Variants in TJP2 observed in about 807,000 individuals in gnomAD.
TJP2 encodes the protein Friedreich ataxia region gene X104 (tight junction protein ZO-2).
A neutral mutation model predicts 133.1 loss-of-function variants in TJP2; 91 were observed. That is an observed-to-expected ratio of 0.68 (90% CI 0.58 to 0.81). The LOEUF is 0.81. Among genes scored for constraint, TJP2 ranks in the 40% least tolerant of loss-of-function variants. The pLI is 0.00. For missense variants in TJP2, 1,541 were observed against 1,565.6 expected (o/e 0.98, Z 0.26); for synonymous variants, 592 against 583.4 (o/e 1.01, Z -0.21).
Position 69,237,465 on chromosome 9 carries a change from A to G in TJP2, c.2179+329A>G, listed in dbSNP as rs184755921. Among the ~76,000 whole-genome samples the G allele has an allele frequency of 9.2e-5, 14 of 152,332 alleles. No individual in the cohort carries two copies. The East Asian group carries it at 2.5e-3, about 27-fold the overall frequency. On this transcript the variant is annotated intron_variant, in intron 14 of 22. Transcript: ENST00000377245. ...AGGATCACTTGAGCTCAGAAGTTCAAGACTAGCCTGGGCAATATAGTAAGA... is the reference window on the plus strand; with the variant it reads ...AGGATCACTTGAGCTCAGAAGTTCAGGACTAGCCTGGGCAATATAGTAAGA...
At chr9:69,240,532 A>T (rs562768174) in intron 17 of TJP2, among the ~76,000 whole-genome samples, 1 of 152,214 alleles carries the variant, frequency 6.6e-6, no homozygotes, top group African/African-American at 2.4e-5. Flanking sequence ...ACTTGGTTTC[A>T]TTATTTAAAA....
intron 1 of TJP2, among the ~76,000 whole-genome samples, chr9:69,140,838 A>G (rs901860183): frequency 6.6e-6 from 1 of 152,126 alleles, no homozygotes; most frequent in African/African-American, 2.4e-5. Context: ...AAGGAGTTCA[A>G]AGTTTTTTAT....
At chr9:69,138,974 G>C (rs1197027538) in intron 1 of TJP2, among the ~76,000 whole-genome samples, 1 of 151,658 alleles carries the variant, frequency 6.6e-6, no homozygotes, top group Admixed American at 6.6e-5. Context: ...AGCATTTTGG[G>C]AGGCCAAGGC....
intron 6 of TJP2, 49 bp downstream of exon 6, chr9:69,225,456 G>A (rs192279603): frequency 8.1e-5 from 101 of 1,241,036 alleles, no homozygotes; most frequent in Middle Eastern, 1.9e-4. Flanking sequence ...GCCGTTCATC[G>A]CCTGCATGTC....
At chr9:69,188,266 G>A (rs1478187090) in intron 1 of TJP2, among the ~76,000 whole-genome samples, 1 of 152,018 alleles carries the variant, frequency 6.6e-6, no homozygotes, top group Admixed American at 6.6e-5. Context: ...CTGATGTGGT[G>A]GTAGGCCCTT....
At chr9:69,196,341 T>C (rs989217263) in intron 1 of TJP2, among the ~76,000 whole-genome samples, 3 of 152,230 alleles carry the variant, frequency 2.0e-5, no homozygotes, top group Non-Finnish European at 2.9e-5. Context: ...TTCTGTAAAA[T>C]GAGTCTATTA....
intron 6 of TJP2, 65 bp downstream of exon 6, chr9:69,225,472 T>C: frequency 1.9e-6 from 2 of 1,058,672 alleles, no homozygotes; most frequent in Admixed American, 1.8e-5. Context: ...ATGTCCACAT[T>C]CAGCACCCAC....
chr9:69,247,764 C>T (rs1480967376), intron 18 of TJP2, among the ~76,000 whole-genome samples: 6 of 152,060 alleles, frequency 3.9e-5, no homozygotes, highest in Non-Finnish European at 5.9e-5. Context: ...GGCTTAGCCG[C>T]GGTATGGAGG....
At chr9:69,157,658 T>C (rs938884115) in intron 2 of TJP2, among the ~76,000 whole-genome samples, 3 of 151,936 alleles carry the variant, frequency 2.0e-5, no homozygotes, top group African/African-American at 7.3e-5. Flanking sequence ...TGGAGACGGG[T>C]TTCCCATTTT....
At chr9:69,155,610 T>G (rs915346151) in intron 2 of TJP2, among the ~76,000 whole-genome samples, 19 of 152,236 alleles carry the variant, frequency 1.2e-4, no homozygotes, top group African/African-American at 4.6e-4. Context: ...CATGGGCTTG[T>G]TTACAGATGG....
At chr9:69,157,749 A>G (rs1323535892) in intron 2 of TJP2, among the ~76,000 whole-genome samples, 2 of 152,058 alleles carry the variant, frequency 1.3e-5, no homozygotes, top group Non-Finnish European at 2.9e-5. Context: ...GTCAGCCACC[A>G]CGCCTGGTCC....
At chr9:69,146,969 G>A (rs1404085562) in intron 1 of TJP2, among the ~76,000 whole-genome samples, 1 of 152,096 alleles carries the variant, frequency 6.6e-6, no homozygotes, top group African/African-American at 2.4e-5. Flanking sequence ...TCTTAGAGAT[G>A]CTTTAGAATG....
Position 69,221,150 on chromosome 9 carries a change from G to T in TJP2, c.606G>T (p.Glu202Asp). ...SRDRSRGRSL[E>D]RGLDQDHART... ...ACCGGAGCCGTGGCCGGAGCCTGGA[G>T]CGGGGCCTGGACCAAGACCATGCGC... The change falls in exon 5 of 23, where the codon GAG (glutamate) becomes GAT (aspartate). Residue 202 changes from glutamate to aspartate, a missense_variant. Physicochemically the swap from Glu to Asp is conservative, Grantham distance 45 (BLOSUM62 2). Transcript: ENST00000377245. The T allele has an allele frequency of 1.3e-6, 2 of 1,594,726 alleles. No homozygotes were observed. Among genetic ancestry groups the T allele is most frequent in the East Asian group, 2.3e-5 (1 of 43,824 alleles).
intron 1 of TJP2, among the ~76,000 whole-genome samples, chr9:69,198,564 G>A (rs1185549856): frequency 6.6e-6 from 1 of 152,230 alleles, no homozygotes; most frequent in East Asian, 1.9e-4. Flanking sequence ...TAGTAGGTCT[G>A]GGATCTAGTT....
chr9:69,155,227 CAAAAA>C (rs58935075), intron 2 of TJP2, among the ~76,000 whole-genome samples: 1 of 98,780 alleles, frequency 1.0e-5, no homozygotes, highest in Non-Finnish European at 1.9e-5. Flanking sequence ...ACTCCATTTC[CAAAAA>C]AAAAAAAAAA....
intron 1 of TJP2, among the ~76,000 whole-genome samples, chr9:69,131,447 C>CA (rs1158427796): frequency 6.6e-6 from 1 of 152,172 alleles, no homozygotes; most frequent in Non-Finnish European, 1.5e-5. Context: ...TCTTCCCACT[C>CA]ACGTCACAAA....
chr9:69,196,800 T>C (rs942006028), intron 1 of TJP2, among the ~76,000 whole-genome samples: 1 of 152,090 alleles, frequency 6.6e-6, no homozygotes, highest in African/African-American at 2.4e-5. Context: ...TCCCATAGTC[T>C]TAGGGAACCA....
At chr9:69,199,537 C>A (rs1242265796) in intron 1 of TJP2, among the ~76,000 whole-genome samples, 2 of 151,258 alleles carry the variant, frequency 1.3e-5, no homozygotes, top group African/African-American at 4.9e-5. Flanking sequence ...CTCAGACATA[C>A]ACACACACAC....
rs1169591367 is a variant in TJP2, at chr9:69,174,367, T to C, written c.-6T>C. 14 of 1,551,592 alleles carry C rather than the reference T, an allele frequency of 9.0e-6. No individual in the cohort carries two copies. In the East Asian group the frequency reaches 2.7e-4, roughly 30 times the overall value. ...GCTGCGCGCCTACGCGGGACCTGTG[T>C]CCGAAATGCCGGTGCGAGGAGACCG... On this transcript the variant is annotated 5_prime_UTR_variant, in exon 1 of 23. Transcript: ENST00000377245.
Sources: allele counts gnomAD v4.1 joint callset (sites outside exome capture counted in the v4.1 genomes callset), GRCh38; gene constraint gnomAD v4.1.1; transcripts MANE v1.5; gene names NCBI Gene and HGNC (gene_info 2026-07-23, HGNC 2026-07-21).